RNF130: variants seen among roughly 807,000 people sequenced by gnomAD.
RNF130 encodes ring finger protein 130.
RNF130 carries 21 observed loss-of-function variants against 44.6 expected under a neutral mutation model. That is an observed-to-expected ratio of 0.47 (90% CI 0.33 to 0.68). The LOEUF is 0.68. Among genes scored for constraint, RNF130 ranks in the 30% least tolerant of loss-of-function variants. RNF130 has a pLI of 0.02. For synonymous variants in RNF130, 214 were observed against 210.4 expected (o/e 1.02, Z -0.15); for missense variants, 479 against 560.6 (o/e 0.85, Z 1.47).
In RNF130 at chr5:179,949,317, T is replaced by C. The variant is rs373356432; in HGVS notation, c.1150+17489A>G. Reference sequence around the variant, plus strand: ...TCTTGCTGTGATGCCCAGGCTGGAGTGCAGTGTTGCAACCATAGCTCACTA... The same window carrying C: ...TCTTGCTGTGATGCCCAGGCTGGAGCGCAGTGTTGCAACCATAGCTCACTA... On this transcript the variant is annotated intron_variant, in intron 7 of 7. Coordinates refer to the RNF130 transcript ENST00000522208. Among the ~76,000 whole-genome samples, 14 of 150,678 alleles carry C rather than the reference T, an allele frequency of 9.3e-5. No homozygotes were observed. The East Asian group carries it at 2.0e-3, about 21-fold the overall frequency.
At position 179,978,266 on chromosome 5, in the gene RNF130, T is replaced by C. The variant is rs1331165229; in HGVS notation, c.785A>G (p.Asp262Gly). Residue 262 changes from aspartate (D) to glycine (G), a missense_variant, in exon 5 of 9, where the codon GAT becomes GGT. This residue lies in a region of RNF130 where 180 missense variants were observed against 275.1 expected (regional missense o/e 0.65). Transcript: ENST00000521389. ...GCTCTCTATGCAGACTGCACAATGA[T>C]CAAAGTCTGGGTCAGTTTCCTAAAA... ...KGDKETDPDFDHCAVCIESYK... is the reference protein window; with the variant it reads ...KGDKETDPDFGHCAVCIESYK... 1.2e-6 allele frequency: 2 copies of C among 1,613,758 alleles called. No homozygotes were observed. The highest frequency in any genetic ancestry group is 1.7e-6 in the Non-Finnish European group (2 of 1,179,776).
At chr5:179,911,865 T>C (rs1761472112) in exon 8 of RNF130, 1 of 152,180 alleles carries the variant, frequency 6.6e-6, no homozygotes, top group Non-Finnish European at 1.5e-5. Context: ...TACTTGTAGG[T>C]GTTTGTGTTC....
intron 1 of RNF130, among the ~76,000 whole-genome samples, chr5:180,045,433 C>T (rs940810976): frequency 3.3e-5 from 5 of 152,178 alleles, no homozygotes; most frequent in Non-Finnish European, 1.5e-5. Flanking sequence ...GTGAGTGTTA[C>T]AGCTCATAAA....
At chr5:180,033,281 T>G (rs1443656141) in intron 2 of RNF130, among the ~76,000 whole-genome samples, 4 of 152,210 alleles carry the variant, frequency 2.6e-5, no homozygotes, top group Non-Finnish European at 5.9e-5. Flanking sequence ...CACACTTGGC[T>G]GAGATTTTCT....
intron 3 of RNF130, among the ~76,000 whole-genome samples, chr5:179,997,333 TA>T (rs1005832573): frequency 6.6e-6 from 1 of 151,828 alleles, no homozygotes; most frequent in African/African-American, 2.4e-5. Context: ...ATTTATATTA[TA>T]TTTTTTTGAG....
At chr5:179,953,641 A>G (rs1179191375), downstream of RNF130, among the ~76,000 whole-genome samples, 1 of 152,238 alleles carries the variant, frequency 6.6e-6, no homozygotes, top group East Asian at 1.9e-4. Context: ...ATGGATCATC[A>G]AAGATCTAAA....
intron 1 of RNF130, among the ~76,000 whole-genome samples, chr5:180,055,248 CAAAAAAAA>C (rs1205914690): frequency 4.8e-4 from 10 of 20,986 alleles, no homozygotes; most frequent in African/African-American, 6.7e-4. Flanking sequence ...GGTTCTGTCT[CAAAAAAAA>C]AAAAAAAAAA....
At chr5:180,061,903 A>AT (rs1469112948) in intron 1 of RNF130, among the ~76,000 whole-genome samples, 2 of 152,128 alleles carry the variant, frequency 1.3e-5, no homozygotes. Context: ...AACAGCACAA[A>AT]TTTGTTTCAC....
chr5:179,937,933 T>TGTGTGTGAGA (rs1268947878), intron 7 of RNF130, among the ~76,000 whole-genome samples: 1,416 of 116,224 alleles, frequency 0.012, 13 homozygotes, highest in Non-Finnish European at 0.02. Flanking sequence ...TGTGTGTGTG[T>TGTGTGTGAGA]GAGAGAGAGA....
At chr5:180,060,280 C>T (rs958421247) in intron 1 of RNF130, among the ~76,000 whole-genome samples, 3 of 152,258 alleles carry the variant, frequency 2.0e-5, no homozygotes, top group Middle Eastern at 3.4e-3. Context: ...TTTGTTACTG[C>T]GGCAATAAGA....
chr5:179,930,335 C>T (rs1761791770), intron 7 of RNF130, among the ~76,000 whole-genome samples: 1 of 152,162 alleles, frequency 6.6e-6, no homozygotes. Flanking sequence ...GGATTACAGG[C>T]ATGAGCCACT....
At chr5:179,978,057 C>T (rs972009409) in intron 5 of RNF130, 146 bp downstream of exon 5, 13 of 677,722 alleles carry the variant, frequency 1.9e-5, no homozygotes, top group Non-Finnish European at 3.1e-5. Context: ...GGCCTCAGCC[C>T]CATGGCCAGC....
At chr5:180,019,446 T>C (rs979484533) in intron 2 of RNF130, among the ~76,000 whole-genome samples, 2 of 151,234 alleles carry the variant, frequency 1.3e-5, no homozygotes, top group Admixed American at 6.6e-5. Context: ...AACAGCTAGG[T>C]GTATTCAGGG....
chr5:179,999,575 AG>A (rs1763286145), intron 3 of RNF130, among the ~76,000 whole-genome samples: 2 of 152,058 alleles, frequency 1.3e-5, no homozygotes, highest in African/African-American at 4.8e-5. Context: ...TACAAAAATT[AG>A]CCGGGCTTGG....
At chr5:179,976,922 T>C (rs555157099) in intron 5 of RNF130, 1 of 152,204 alleles carries the variant, frequency 6.6e-6, no homozygotes, top group Non-Finnish European at 1.5e-5. Flanking sequence ...ATTTATCCAA[T>C]TGATACTCAG....
intron 7 of RNF130, among the ~76,000 whole-genome samples, chr5:179,926,475 G>A (rs1178402668): frequency 6.6e-6 from 1 of 151,976 alleles, no homozygotes; most frequent in Non-Finnish European, 1.5e-5. Context: ...GTGAAACCCT[G>A]TCTCTATTAA....
At chr5:180,028,052 A>G (rs1041676496) in intron 2 of RNF130, among the ~76,000 whole-genome samples, 2 of 152,118 alleles carry the variant, frequency 1.3e-5, no homozygotes, top group African/African-American at 4.8e-5. Flanking sequence ...CCTATCCACC[A>G]TGTTGAGCTG....
rs768776470 is a variant in RNF130, at chr5:179,978,226, A to C, written c.825T>G (p.Asp275Glu). 1.4e-5 allele frequency: 22 copies of C among 1,613,880 alleles called. No individual in the cohort carries two copies. In the East Asian group the frequency reaches 4.7e-4, roughly 34 times the overall value. The change falls in exon 5 of 9, where the codon GAT becomes GAG. Residue 275 changes from aspartate to glutamate, a missense_variant. This residue lies in a region of RNF130 where 180 missense variants were observed against 275.1 expected (regional missense o/e 0.65). Coordinates refer to ENST00000521389, the MANE Select transcript of RNF130 (RefSeq NM_018434.6). The stretch of plus-strand genomic sequence containing the variant: ...ACTTGCAGGGGAGAATTCGGACGAC[A>C]TCATTCTGCTTATAGCTCTCTATGC... ...AVCIESYKQN[D>E]VVRILPCKHV...
intron 3 of RNF130, among the ~76,000 whole-genome samples, chr5:179,992,195 G>A (rs1264442257): frequency 2.0e-5 from 3 of 152,212 alleles, no homozygotes; most frequent in African/African-American, 7.2e-5. Flanking sequence ...AGGCTGGAGT[G>A]CAGTGGCACG....
Sources: gnomAD v4.1 joint callset for allele counts (sites outside exome capture counted in the v4.1 genomes callset) on GRCh38, gnomAD v4.1.1 for gene constraint, gnomAD v4.1.1 regional missense constraint, MANE v1.5 for transcripts, NCBI Gene and HGNC (gene_info 2026-07-23, HGNC 2026-07-21) for gene names.